Variants in PCTP observed in about 807,000 individuals in gnomAD.
PCTP encodes phosphatidylcholine transfer protein, also known as START domain-containing protein 2.
PCTP carries 27 observed loss-of-function variants against 31.0 expected under a neutral mutation model. The ratio of observed to expected loss-of-function variants is 0.87; its 90% confidence interval spans 0.64 to 1.20. PCTP has a LOEUF of 1.20. Ranked by LOEUF, PCTP falls within the 50% of genes most tolerant of loss-of-function variation. The pLI is 0.00. For synonymous variants in PCTP, 108 were observed against 101.2 expected (o/e 1.07, Z -0.40); for missense variants, 287 against 268.2 (o/e 1.07, Z -0.49).
intron 3 of PCTP, among the ~76,000 whole-genome samples, chr17:55,819,972 C>T (rs1913061314): frequency 1.3e-5 from 2 of 151,934 alleles, no homozygotes; most frequent in Non-Finnish European, 2.9e-5. Flanking sequence ...TATCCATATG[C>T]AAAAGAATGA....
chr17:55,831,488 C>T (rs1905593858), intron 5 of PCTP, among the ~76,000 whole-genome samples: 1 of 152,158 alleles, frequency 6.6e-6, no homozygotes. Context: ...GCATCAGCTT[C>T]CTTCCTTGCC....
At chr17:55,778,705 G>A (rs962574672), downstream of PCTP, among the ~76,000 whole-genome samples, 15 of 152,214 alleles carry the variant, frequency 9.9e-5, no homozygotes, top group Middle Eastern at 3.4e-3. Context: ...GGCTTTGCTG[G>A]TGTGGCTATG....
chr17:55,794,279 C>A (rs1912108442), intron 3 of PCTP, among the ~76,000 whole-genome samples: 1 of 150,726 alleles, frequency 6.6e-6, no homozygotes, highest in South Asian at 2.1e-4. Context: ...TAAATGAAAT[C>A]ATACTCTAAA....
chr17:55,770,981 C>T (rs1038212020), intron 2 of PCTP, 125 bp from the exon 3 acceptor site: 1 of 696,232 alleles, frequency 1.4e-6, no homozygotes, highest in Non-Finnish European at 2.6e-6. Flanking sequence ...AATTGACTCA[C>T]CTTGGCCTCA....
At chr17:55,845,107 A>AAAAAAAAAAAAAAAAAAC, downstream of PCTP, among the ~76,000 whole-genome samples, 1 of 148,618 alleles carries the variant, frequency 6.7e-6, no homozygotes, top group Admixed American at 6.7e-5. Flanking sequence ...AAAAAAAAAA[A>AAAAAAAAAAAAAAAAAAC]AAAAAAGACA....
intron 3 of PCTP, among the ~76,000 whole-genome samples, chr17:55,772,621 G>A (rs1911077164): frequency 6.6e-6 from 1 of 151,672 alleles, no homozygotes; most frequent in Admixed American, 6.6e-5. Context: ...TGGAGGCTGA[G>A]ACGGCTGCCA....
chr17:55,751,550 T>A, intron 1 of PCTP: 2 of 1,385,074 alleles, frequency 1.4e-6, no homozygotes, highest in Non-Finnish European at 1.9e-6. Flanking sequence ...CCTAGGCCCG[T>A]GCACACGTCT....
downstream of PCTP, among the ~76,000 whole-genome samples, chr17:55,779,109 G>T (rs1466012172): frequency 1.3e-5 from 2 of 152,174 alleles, no homozygotes; most frequent in East Asian, 1.9e-4. Flanking sequence ...TCACCTCAGA[G>T]AATTATCTTT....
downstream of PCTP, among the ~76,000 whole-genome samples, chr17:55,845,425 G>A (rs1354526264): frequency 2.6e-5 from 4 of 152,074 alleles, no homozygotes; most frequent in East Asian, 7.7e-4. Flanking sequence ...CGTTCCCCGC[G>A]GGCTCCCAGG....
chr17:55,809,051 C>T (rs1379020442), intron 3 of PCTP, among the ~76,000 whole-genome samples: 3 of 152,160 alleles, frequency 2.0e-5, no homozygotes, highest in Non-Finnish European at 2.9e-5. Context: ...GTAGTCTTCT[C>T]CAACCTTGGG....
At chr17:55,848,573 C>T in the PCTP span, among the ~76,000 whole-genome samples, 5 of 152,202 alleles carry the variant, frequency 3.3e-5, no homozygotes, top group African/African-American at 9.6e-5. Flanking sequence ...TAATACTTAC[C>T]CCCTCCACAA....
chr17:55,837,279 A>G (rs12940417), intron 5 of PCTP, among the ~76,000 whole-genome samples: 19,117 of 152,196 alleles, frequency 0.13, 1,364 homozygotes, highest in East Asian at 0.35. Flanking sequence ...GGCAACCTAA[A>G]TGGGTTTGCA....
intron 1 of PCTP, among the ~76,000 whole-genome samples, chr17:55,754,040 C>T (rs1240206474): frequency 6.6e-6 from 1 of 152,220 alleles, no homozygotes; most frequent in African/African-American, 2.4e-5. Flanking sequence ...CACAGAAGCA[C>T]AGAAGACTCC....
At chr17:55,795,639 T>C (rs2145014328) in intron 3 of PCTP, among the ~76,000 whole-genome samples, 1 of 152,200 alleles carries the variant, frequency 6.6e-6, no homozygotes, top group South Asian at 2.1e-4. Flanking sequence ...TCCTGTTGCT[T>C]TAAATGTGGC....
chr17:55,818,158 A>G (rs1912989959), intron 3 of PCTP, among the ~76,000 whole-genome samples: 1 of 152,218 alleles, frequency 6.6e-6, no homozygotes. Context: ...TCACAGTTGC[A>G]TGGGGGAGGC....
Position 55,753,286 on chromosome 17 carries a change from C to T in PCTP, c.141+2042C>T, listed in dbSNP as rs184603821. Among the ~76,000 whole-genome samples, 6 of 152,294 alleles carry T rather than the reference C, an allele frequency of 3.9e-5. No homozygotes were observed. The East Asian group carries it at 9.6e-4, about 24-fold the overall frequency. ...CTCTCTGCTCCTGTCTATCCTACAC[C>T]TTCCAGTGCAGTCAAACATCTGAGA... On this transcript the variant is annotated intron_variant, in intron 1 of 5. Coordinates refer to ENST00000268896, the MANE Select transcript of PCTP (RefSeq NM_021213.4).
intron 3 of PCTP, among the ~76,000 whole-genome samples, chr17:55,772,538 G>C (rs555881458): frequency 4.9e-5 from 7 of 143,326 alleles, no homozygotes; most frequent in African/African-American, 1.8e-4. Flanking sequence ...AGTGAGCCGA[G>C]ATCGTGACAC....
chr17:55,794,102 G>T (rs1912100534), intron 3 of PCTP, among the ~76,000 whole-genome samples: 1 of 151,924 alleles, frequency 6.6e-6, no homozygotes, highest in South Asian at 2.1e-4. Context: ...ATTTTCAATT[G>T]CCAGAACAAA....
chr17:55,826,508 C>T (rs1905403732), downstream of PCTP, among the ~76,000 whole-genome samples: 1 of 151,062 alleles, frequency 6.6e-6, no homozygotes, highest in South Asian at 2.1e-4. Context: ...AAGCCTGGCA[C>T]CAGCAGTCCC....
Sources: gnomAD v4.1 joint callset for allele counts (sites outside exome capture counted in the v4.1 genomes callset) on GRCh38, gnomAD v4.1.1 for gene constraint, MANE v1.5 for transcripts, NCBI Gene and HGNC (gene_info 2026-07-23, HGNC 2026-07-21) for gene names.